Variants in GNPNAT1 observed in about 807,000 individuals in gnomAD.
GNPNAT1 encodes glucosamine 6-phosphate N-acetyltransferase.
Under a neutral mutation model 19.8 loss-of-function variants are expected in GNPNAT1, and 11 were observed. That is an observed-to-expected ratio of 0.56 (90% CI 0.35 to 0.92). GNPNAT1 has a LOEUF of 0.92. Among genes scored for constraint, GNPNAT1 ranks in the 40% least tolerant of loss-of-function variants. GNPNAT1 has a pLI of 0.01. For synonymous variants in GNPNAT1, 71 were observed against 72.3 expected (o/e 0.98, Z 0.09); for missense variants, 157 against 211.0 (o/e 0.74, Z 1.59).
intron 1 of GNPNAT1, among the ~76,000 whole-genome samples, chr14:52,790,395 CAAG>C (rs767612168): frequency 6.6e-6 from 1 of 152,206 alleles, no homozygotes; most frequent in African/African-American, 2.4e-5. Flanking sequence ...ATTTCGATAA[CAAG>C]AATCCATTCT....
At chr14:52,787,875 C>T (rs1171632106) in intron 1 of GNPNAT1, 4 of 151,884 alleles carry the variant, frequency 2.6e-5, no homozygotes, top group African/African-American at 9.7e-5. Context: ...ACAGGAACTA[C>T]AAAAAGAATG....
In GNPNAT1 at chr14:52,782,076, T is replaced by C. The variant is rs542126882; in HGVS notation, c.218-165A>G. On this transcript the variant is annotated intron_variant, in intron 3 of 5. Transcript: ENST00000216410. The stretch of plus-strand genomic sequence containing the variant: ...AAAATATTACCAAGTAGTTGAAATA[T>C]CAGCAATTAGTATCAATTGGAATAT... Among the ~76,000 whole-genome samples, 13 of 152,218 alleles carry C rather than the reference T, an allele frequency of 8.5e-5. No individual in the cohort carries two copies. The South Asian group carries it at 2.7e-3, about 32-fold the overall frequency.
chr14:52,783,007 G>A (rs1451753344), intron 3 of GNPNAT1, among the ~76,000 whole-genome samples: 1 of 151,902 alleles, frequency 6.6e-6, no homozygotes, highest in Non-Finnish European at 1.5e-5. Context: ...GGCAGGGGAC[G>A]GGTGGACTAA....
chr14:52,788,649 G>C (rs548320015), intron 1 of GNPNAT1, among the ~76,000 whole-genome samples: 1 of 152,226 alleles, frequency 6.6e-6, no homozygotes, highest in Non-Finnish European at 1.5e-5. Context: ...AAACATTTTG[G>C]TCTTGCTATT....
intron 1 of GNPNAT1, among the ~76,000 whole-genome samples, chr14:52,787,391 AG>A (rs1027271350): frequency 2.0e-4 from 31 of 152,270 alleles, no homozygotes; most frequent in African/African-American, 7.5e-4. Context: ...ATGTAACAAC[AG>A]AAGTTAACAC....
chr14:52,781,431 A>G (rs1594891085), intron 4 of GNPNAT1, among the ~76,000 whole-genome samples: 1 of 152,154 alleles, frequency 6.6e-6, no homozygotes, highest in African/African-American at 2.4e-5. Flanking sequence ...CATTAGATGT[A>G]TCATAATTAG....
At chr14:52,789,501 C>A (rs1566690464) in intron 1 of GNPNAT1, among the ~76,000 whole-genome samples, 1 of 152,040 alleles carries the variant, frequency 6.6e-6, no homozygotes. Flanking sequence ...AAATTAACAT[C>A]AAAAATTTTT....
intron 1 of GNPNAT1, among the ~76,000 whole-genome samples, chr14:52,785,175 G>A (rs1309365457): frequency 6.6e-6 from 1 of 151,538 alleles, no homozygotes; most frequent in Non-Finnish European, 1.5e-5. Flanking sequence ...TGATCTGCCC[G>A]CCTCGGCCTC....
Position 52,786,434 on chromosome 14 carries a change from G to A in GNPNAT1, c.-14-1770C>T, listed in dbSNP as rs988507184. ...CAGGAGAATCACTTGAACCCAGGAG[G>A]TGGAGGCTGCAGTGAGCTGAGATCA... On this transcript the variant is annotated intron_variant, in intron 1 of 5. Transcript: ENST00000216410. Among the ~76,000 whole-genome samples the A allele has an allele frequency of 2.0e-5, 3 of 151,984 alleles. 1 individual carries two copies. The East Asian group carries it at 5.9e-4, about 30-fold the overall frequency.
At chr14:52,780,395 C>T (rs958941390) in intron 5 of GNPNAT1, among the ~76,000 whole-genome samples, 11 of 151,776 alleles carry the variant, frequency 7.2e-5, no homozygotes, top group Non-Finnish European at 1.0e-4. Flanking sequence ...GAGGCAAATC[C>T]GATTAGCCCA....
chr14:52,788,141 G>A (rs1293389877), intron 1 of GNPNAT1, among the ~76,000 whole-genome samples: 1 of 151,410 alleles, frequency 6.6e-6, no homozygotes, highest in African/African-American at 2.4e-5. Flanking sequence ...ATTGTTTTGA[G>A]ACAGGGTTTT....
At chr14:52,785,834 G>A (rs1194633339) in intron 1 of GNPNAT1, among the ~76,000 whole-genome samples, 6 of 147,188 alleles carry the variant, frequency 4.1e-5, no homozygotes, top group African/African-American at 1.2e-4. Flanking sequence ...CACAACCTCC[G>A]CCTCCCAGGT....
Position 52,778,224 on chromosome 14 carries a change from A to T in GNPNAT1, c.*87T>A. The T allele has an allele frequency of 1.0e-6, 1 of 983,674 alleles. No homozygotes were observed. Among genetic ancestry groups the T allele is most frequent in the Non-Finnish European group, 1.5e-6 (1 of 672,632 alleles). The allele number at this position is 983,674 out of a possible 1,614,324, so 60.9% of individuals were successfully genotyped here. The stretch of plus-strand genomic sequence containing the variant: ...TTTCAGTCCAGTATTTATGGAGGTC[A>T]CTCGGCTGCAGCAACAAAATATTTC... On this transcript the variant is annotated 3_prime_UTR_variant, in exon 6 of 6. Transcript: ENST00000216410.
At chr14:52,778,548 TAAG>T in intron 5 of GNPNAT1, 90 bp from the exon 6 acceptor site, 1 of 1,135,292 alleles carries the variant, frequency 8.8e-7, no homozygotes, top group South Asian at 1.5e-5. Flanking sequence ...TTATAAAACT[TAAG>T]TTTCCTTAGA....
At position 52,780,688 on chromosome 14, in the gene GNPNAT1, A is replaced by G; in HGVS notation, c.398T>C (p.Leu133Pro). ...GTTTCTGCCTACTTACAATTTGCCA[A>G]GCTGCTTTCCTCTGCATTCATCACT... ...VVSDECRGKQLGKLLLSTLTL... is the reference protein window; with the variant it reads ...VVSDECRGKQPGKLLLSTLTL... The change falls in exon 5 of 6, where the codon CTT becomes CCT. Residue 133 changes from leucine (L) to proline (P), a missense_variant. Transcript: ENST00000216410. The G allele has an allele frequency of 6.2e-7, 1 of 1,605,038 alleles. No individual in the cohort carries two copies. Among genetic ancestry groups the G allele is most frequent in the South Asian group, 1.1e-5 (1 of 90,562 alleles).
chr14:52,784,408 T>G (rs961388105), intron 2 of GNPNAT1, 89 bp downstream of exon 2: 12 of 1,086,118 alleles, frequency 1.1e-5, no homozygotes, highest in African/African-American at 1.6e-5. Flanking sequence ...AGTCCAAAAG[T>G]CAAATATTTA....
At chr14:52,787,540 CA>C (rs1229663194) in intron 1 of GNPNAT1, among the ~76,000 whole-genome samples, 15 of 152,092 alleles carry the variant, frequency 9.9e-5, no homozygotes, top group Non-Finnish European at 1.8e-4. Context: ...CCCAAGGTCA[CA>C]AAATTAGCGG....
At chr14:52,780,581 G>C in intron 5 of GNPNAT1, 98 bp downstream of exon 5, 1 of 755,140 alleles carries the variant, frequency 1.3e-6, no homozygotes, top group Non-Finnish European at 2.4e-6. Flanking sequence ...AATAAGTTCA[G>C]AATTAATGAA....
Position 52,784,555 on chromosome 14 carries a change from T to G in GNPNAT1, c.96A>C (p.Pro32=). The change falls in exon 2 of 6, where the codon CCA becomes CCC. Residue 32 remains proline, a synonymous_variant. Transcript: ENST00000216410. ...NTATFSPAIS[P]THPGEGLVLR... is the part of the protein sequence containing the mutation. Reference sequence around the variant, plus strand: ...AAACCAAGCCTTCTCCAGGATGTGTTGGGGAAATGGCTGGAGAAAATGTAG... The same window carrying G: ...AAACCAAGCCTTCTCCAGGATGTGTGGGGGAAATGGCTGGAGAAAATGTAG... 6.2e-7 allele frequency: 1 copy of G among 1,610,030 alleles called. No individual in the cohort carries two copies. The highest frequency in any genetic ancestry group is 8.5e-7 in the Non-Finnish European group (1 of 1,178,348).
Sources: allele counts gnomAD v4.1 joint callset (sites outside exome capture counted in the v4.1 genomes callset), GRCh38; gene constraint gnomAD v4.1.1; transcripts MANE v1.5; gene names NCBI Gene and HGNC (gene_info 2026-07-23, HGNC 2026-07-21).